CXCL13: variants seen among roughly 807,000 people sequenced by gnomAD.
CXCL13 encodes the protein C-X-C motif chemokine 13.
A neutral mutation model predicts 12.2 loss-of-function variants in CXCL13; 7 were observed. The observed-to-expected ratio is 0.57, with a 90% CI of 0.33 to 1.07. The LOEUF (loss-of-function observed/expected upper bound fraction) is 1.07. Among genes scored for constraint, CXCL13 ranks in the 50% least tolerant of loss-of-function variants. The pLI is 0.04. For synonymous variants in CXCL13, 47 were observed against 42.4 expected, an observed-to-expected ratio of 1.11 and a Z score of -0.42; for missense variants, 113 against 127.4, an observed-to-expected ratio of 0.89 and a Z score of 0.55.
At chr4:77,592,420 G>T (rs1726636481) in intron 1 of CXCL13, among the ~76,000 whole-genome samples, 1 of 152,112 alleles carries the variant, frequency 6.6e-6, no homozygotes, top group Admixed American at 6.5e-5. Flanking sequence ...GTTGTCAGGG[G>T]TTGGGGGAAG....
rs117194855 is a variant in CXCL13, at chr4:77,541,975, G to A, written c.-43+30187G>A. ...AGGTGGGTTTTTTTGTGGCTATTGT[G>A]AATGGGATTGTGTTCTTGATTTGGT... On this transcript the variant is annotated intron_variant, in intron 1 of 4. Coordinates refer to the CXCL13 transcript ENST00000286758. 6.5e-3 allele frequency among the ~76,000 whole-genome samples: 990 copies of A among 152,102 alleles called. 19 individuals are homozygous for A. The highest frequency in any genetic ancestry group is 0.026 in the East Asian group (136 of 5,168).
At position 77,611,532 on chromosome 4, in the gene CXCL13, A is replaced by T. The variant is rs1344158150; in HGVS notation, c.*493A>T. 2.5e-6 allele frequency: 1 copy of T among 396,294 alleles called. No individual in the cohort carries two copies. Among genetic ancestry groups the T allele is most frequent in the East Asian group, 3.6e-5 (1 of 27,926 alleles). The allele number at this position is 396,294 out of a possible 1,614,324, so 24.5% of individuals were successfully genotyped here. On this transcript the variant is annotated 3_prime_UTR_variant, in exon 4 of 4. Transcript: ENST00000682537. The stretch of plus-strand genomic sequence containing the variant: ...TCCATGTAGTAGATATCCTCTGCTT[A>T]AAAACTCACTACGGAGGAGAATTAA...
chr4:77,610,919 C>G, intron 3 of CXCL13, 69 bp from the exon 4 acceptor site: 2 of 1,418,330 alleles, frequency 1.4e-6, no homozygotes, highest in Non-Finnish European at 2.0e-6. Context: ...CCCGGTATCT[C>G]CAGAGGAAAG....
At chr4:77,561,739 C>A (rs1433696322) in intron 1 of CXCL13, among the ~76,000 whole-genome samples, 2 of 152,208 alleles carry the variant, frequency 1.3e-5, no homozygotes, top group Non-Finnish European at 2.9e-5. Context: ...GCCCTTGCAG[C>A]CCTTGCCCAC....
In CXCL13 at chr4:77,527,698, G is replaced by A. The variant is rs1036975326; in HGVS notation, c.-43+15910G>A. Among the ~76,000 whole-genome samples the A allele has an allele frequency of 3.3e-5, 5 of 151,712 alleles. No homozygotes were observed. The East Asian group carries it at 5.8e-4, about 18-fold the overall frequency. ...TTGAATGAATGACATTCAAGTGAAC[G>A]TGCTTTAGATAACTCCAGCTCCCAG... On this transcript the variant is annotated intron_variant, in intron 1 of 4. Transcript: ENST00000286758.
chr4:77,513,051 A>G (rs189790446), intron 1 of CXCL13, among the ~76,000 whole-genome samples: 3 of 152,154 alleles, frequency 2.0e-5, no homozygotes, highest in Non-Finnish European at 2.9e-5. Flanking sequence ...TCCTCGTGAT[A>G]GTTTGCTGAG....
intron 1 of CXCL13, among the ~76,000 whole-genome samples, chr4:77,576,947 A>C (rs1007554349): frequency 2.0e-5 from 3 of 152,282 alleles, no homozygotes; most frequent in African/African-American, 7.2e-5. Context: ...CAGACTCATT[A>C]GTTGTTTTAA....
At chr4:77,527,093 G>T (rs1052159230) in intron 1 of CXCL13, among the ~76,000 whole-genome samples, 5 of 152,142 alleles carry the variant, frequency 3.3e-5, no homozygotes, top group African/African-American at 1.2e-4. Context: ...ATATATCACT[G>T]ACATTTCACC....
intron 1 of CXCL13, among the ~76,000 whole-genome samples, chr4:77,565,660 T>G (rs1725909953): frequency 6.6e-6 from 1 of 152,192 alleles, no homozygotes; most frequent in Non-Finnish European, 1.5e-5. Flanking sequence ...TGAATATCTA[T>G]CAAGTGTAAA....
intron 1 of CXCL13, among the ~76,000 whole-genome samples, chr4:77,553,036 A>C (rs1310403942): frequency 1.3e-5 from 2 of 152,078 alleles, no homozygotes; most frequent in Non-Finnish European, 2.9e-5. Flanking sequence ...TGATTGCCTG[A>C]ATTTTGGCTT....
intron 1 of CXCL13, 35 bp downstream of exon 1, chr4:77,605,964 A>T: frequency 6.8e-7 from 1 of 1,479,166 alleles, no homozygotes; most frequent in Middle Eastern, 1.7e-4. Flanking sequence ...CTGTTTGTTG[A>T]ACAGAAATAG....
chr4:77,558,274 C>A (rs140603099), intron 1 of CXCL13, among the ~76,000 whole-genome samples: 97 of 152,324 alleles, frequency 6.4e-4, no homozygotes, highest in African/African-American at 2.1e-3. Context: ...AGATGGGCAC[C>A]TGTTATCTTG....
chr4:77,606,796 C>G (rs1727012312), intron 1 of CXCL13, among the ~76,000 whole-genome samples: 1 of 152,088 alleles, frequency 6.6e-6, no homozygotes, highest in African/African-American at 2.4e-5. Flanking sequence ...TTGTACACAC[C>G]TTGAGAGGTG....
intron 1 of CXCL13, among the ~76,000 whole-genome samples, chr4:77,513,320 T>A (rs944363115): frequency 6.6e-6 from 1 of 152,190 alleles, no homozygotes; most frequent in Non-Finnish European, 1.5e-5. Flanking sequence ...CTGGGTCTAA[T>A]GGTATTTCTA....
chr4:77,565,468 G>A (rs182454722), intron 1 of CXCL13, among the ~76,000 whole-genome samples: 1 of 152,302 alleles, frequency 6.6e-6, no homozygotes. Context: ...CTAACTGTGA[G>A]TTTGTTTCTC....
intron 1 of CXCL13, among the ~76,000 whole-genome samples, chr4:77,561,771 G>T (rs985014825): frequency 3.9e-5 from 6 of 152,298 alleles, no homozygotes; most frequent in African/African-American, 9.6e-5. Context: ...CCTTGGCCTC[G>T]GTGCACACTC....
intron 1 of CXCL13, among the ~76,000 whole-genome samples, chr4:77,577,691 A>G (rs1253894864): frequency 6.6e-6 from 1 of 152,174 alleles, no homozygotes; most frequent in Admixed American, 6.5e-5. Flanking sequence ...CATGAGTAGC[A>G]AGCACCCTGT....
At chr4:77,559,046 C>G (rs1204484229) in intron 1 of CXCL13, among the ~76,000 whole-genome samples, 1 of 152,146 alleles carries the variant, frequency 6.6e-6, no homozygotes, top group African/African-American at 2.4e-5. Context: ...CATTTTCTTC[C>G]ACCAGTATAC....
At chr4:77,569,928 CAT>C (rs1463026525) in intron 1 of CXCL13, among the ~76,000 whole-genome samples, 1 of 152,144 alleles carries the variant, frequency 6.6e-6, no homozygotes, top group Non-Finnish European at 1.5e-5. Context: ...AAAACAGACA[CAT>C]AGGCCAATGG....
Sources: allele counts gnomAD v4.1 joint callset (sites outside exome capture counted in the v4.1 genomes callset), GRCh38; gene constraint gnomAD v4.1.1; transcripts MANE v1.5; gene names NCBI Gene and HGNC (gene_info 2026-07-23, HGNC 2026-07-21).